Variants in TENM2 observed in about 807,000 individuals in gnomAD.
TENM2 encodes the protein teneurin-2.
A neutral mutation model predicts 245.2 loss-of-function variants in TENM2; 52 were observed. The observed-to-expected ratio is 0.21, with a 90% CI of 0.17 to 0.27. TENM2 has a LOEUF of 0.27. TENM2 is among the 10% of genes least tolerant of loss of function. The pLI, the probability that TENM2 is intolerant of heterozygous loss-of-function variation, is 1.00. For missense variants in TENM2, 3,046 were observed against 3,666.8 expected (o/e 0.83, Z 4.37); for synonymous variants, 1,363 against 1,438.9 (o/e 0.95, Z 1.19).
At chr5:168,261,154 C>G (rs1474254408) in intron 28 of TENM2, among the ~76,000 whole-genome samples, 2 of 152,162 alleles carry the variant, frequency 1.3e-5, no homozygotes, top group Non-Finnish European at 1.5e-5. Context: ...CATCATTTCT[C>G]TCATTTATCT....
chr5:167,145,992 G>A, the TENM2 span, among the ~76,000 whole-genome samples: 1 of 152,104 alleles, frequency 6.6e-6, no homozygotes, highest in Non-Finnish European at 1.5e-5. Context: ...GGAACTCCCC[G>A]TGACAGATGG....
the TENM2 span, among the ~76,000 whole-genome samples, chr5:167,106,443 A>G: frequency 6.6e-6 from 1 of 152,234 alleles, no homozygotes; most frequent in Non-Finnish European, 1.5e-5. Flanking sequence ...TGAGTGTATT[A>G]TTAATAACCT....
intron 2 of TENM2, among the ~76,000 whole-genome samples, chr5:167,418,932 T>G (rs1763326319): frequency 6.6e-6 from 1 of 152,164 alleles, no homozygotes. Flanking sequence ...CTTAAAAAAT[T>G]ATGATTGCTT....
At chr5:167,009,936 A>T in the TENM2 span, among the ~76,000 whole-genome samples, 1 of 152,244 alleles carries the variant, frequency 6.6e-6, no homozygotes, top group Admixed American at 6.5e-5. Context: ...GTAAGTTAGT[A>T]TTAAAGATAT....
the TENM2 span, among the ~76,000 whole-genome samples, chr5:167,231,083 A>G: frequency 6.6e-6 from 1 of 152,184 alleles, no homozygotes; most frequent in Non-Finnish European, 1.5e-5. Flanking sequence ...AAGTTTCCTG[A>G]GGCCTCCCCA....
the TENM2 span, among the ~76,000 whole-genome samples, chr5:167,253,452 C>CA: frequency 6.6e-6 from 1 of 151,350 alleles, no homozygotes; most frequent in African/African-American, 2.4e-5. Flanking sequence ...AGAAAACAAA[C>CA]AAACAAAAAA....
intron 2 of TENM2, among the ~76,000 whole-genome samples, chr5:167,720,372 A>G (rs995651706): frequency 6.6e-6 from 1 of 152,252 alleles, no homozygotes; most frequent in South Asian, 2.1e-4. Flanking sequence ...CATCATCCGG[A>G]TAGTCCAGGC....
At chr5:167,730,037 G>A (rs971720440) in intron 2 of TENM2, among the ~76,000 whole-genome samples, 5 of 152,086 alleles carry the variant, frequency 3.3e-5, no homozygotes, top group South Asian at 2.1e-4. Context: ...CTTCTTATGG[G>A]TCTGAGTTTT....
chr5:167,570,281 A>G (rs1774181409), intron 2 of TENM2, among the ~76,000 whole-genome samples: 1 of 152,092 alleles, frequency 6.6e-6, no homozygotes, highest in South Asian at 2.1e-4. Flanking sequence ...GATGATGTGC[A>G]AGCCGATACA....
At chr5:167,196,568 A>ATATATATATGTGTG in the TENM2 span, among the ~76,000 whole-genome samples, 3 of 139,322 alleles carry the variant, frequency 2.2e-5, no homozygotes, top group African/African-American at 8.1e-5. Flanking sequence ...ATGTGTGTGT[A>ATATATATATGTGTG]TATATATATA....
chr5:168,154,147 T>TAAAAAAAAAAAA (rs70976465), intron 12 of TENM2, among the ~76,000 whole-genome samples: 17 of 85,084 alleles, frequency 2.0e-4, no homozygotes, highest in African/African-American at 5.3e-4. Flanking sequence ...TCACCTACTT[T>TAAAAAAAAAAAA]AAAAAAAAAA....
At chr5:167,322,612 T>TA (rs1297604786) in intron 1 of TENM2, among the ~76,000 whole-genome samples, 2 of 152,296 alleles carry the variant, frequency 1.3e-5, no homozygotes, top group African/African-American at 4.8e-5. Flanking sequence ...CCTTTTTTTT[T>TA]AAATCTCCCC....
At chr5:167,699,033 C>T (rs935304691) in intron 2 of TENM2, among the ~76,000 whole-genome samples, 1 of 151,986 alleles carries the variant, frequency 6.6e-6, no homozygotes, top group African/African-American at 2.4e-5. Flanking sequence ...GTGTAAACCC[C>T]TTAGAACTGA....
At chr5:167,128,544 G>T in the TENM2 span, among the ~76,000 whole-genome samples, 1 of 148,418 alleles carries the variant, frequency 6.7e-6, no homozygotes, top group Admixed American at 6.7e-5. Flanking sequence ...GTCTAGTGTA[G>T]ACTTTCATTA....
intron 2 of TENM2, among the ~76,000 whole-genome samples, chr5:167,598,815 G>A (rs1342705493): frequency 2.0e-5 from 3 of 151,528 alleles, no homozygotes; most frequent in Non-Finnish European, 2.9e-5. Context: ...AAAGTAAAGG[G>A]GAAAAAAGTG....
intron 2 of TENM2, among the ~76,000 whole-genome samples, chr5:167,630,517 A>G (rs910037678): frequency 1.3e-5 from 2 of 152,212 alleles, no homozygotes; most frequent in Non-Finnish European, 2.9e-5. Context: ...TCAGACCACT[A>G]TTGAGCACAG....
intron 2 of TENM2, among the ~76,000 whole-genome samples, chr5:167,635,239 G>C (rs1030303195): frequency 6.6e-6 from 1 of 152,124 alleles, no homozygotes; most frequent in Non-Finnish European, 1.5e-5. Flanking sequence ...TTTACAAATG[G>C]ATATGAATAC....
At chr5:167,122,096 C>A in the TENM2 span, among the ~76,000 whole-genome samples, 1 of 152,094 alleles carries the variant, frequency 6.6e-6, no homozygotes, top group Non-Finnish European at 1.5e-5. Flanking sequence ...CGTAGTATTG[C>A]ATTCAACCTA....
intron 13 of TENM2, among the ~76,000 whole-genome samples, chr5:168,167,804 C>T (rs963125753): frequency 6.6e-6 from 1 of 152,138 alleles, no homozygotes; most frequent in Non-Finnish European, 1.5e-5. Flanking sequence ...CTCAAAGTCT[C>T]AGTTTTCTTA....
Sources: gnomAD v4.1 joint callset for allele counts (sites outside exome capture counted in the v4.1 genomes callset) on GRCh38, gnomAD v4.1.1 for gene constraint, MANE v1.5 for transcripts, NCBI Gene and HGNC (gene_info 2026-07-23, HGNC 2026-07-21) for gene names.